The following DBF4B variants were observed in gnomAD, a reference collection of about 807,000 sequenced individuals.
DBF4B encodes protein DBF4 homolog B.
DBF4B carries 49 observed loss-of-function variants against 53.4 expected under a neutral mutation model. The observed-to-expected ratio is 0.92, with a 90% confidence interval of 0.73 to 1.16. The LOEUF is 1.16. Among genes scored for constraint, DBF4B ranks in the 50% most tolerant of loss-of-function variants. The pLI is 0.00. For synonymous variants in DBF4B, 257 were observed against 288.7 expected (o/e 0.89, Z 1.11); for missense variants, 692 against 775.0 (o/e 0.89, Z 1.27).
intron 7 of DBF4B, 99 bp from the exon 8 acceptor site, chr17:44,736,731 C>A: frequency 7.3e-7 from 1 of 1,361,542 alleles, no homozygotes; most frequent in Non-Finnish European, 1.0e-6. Context: ...CAGCAGGAAG[C>A]AAAGTGGGAC....
At chr17:44,709,894 C>T (rs1972706306) in intron 2 of DBF4B, among the ~76,000 whole-genome samples, 1 of 151,718 alleles carries the variant, frequency 6.6e-6, no homozygotes, top group Non-Finnish European at 1.5e-5. Context: ...ATCTAGTTGG[C>T]CGGGCGCGGC....
chr17:44,725,478 G>A (rs943131120), intron 3 of DBF4B, among the ~76,000 whole-genome samples: 1 of 151,840 alleles, frequency 6.6e-6, no homozygotes, highest in African/African-American at 2.4e-5. Flanking sequence ...CAGCTCAGTG[G>A]TTTTTAGTAT....
chr17:44,728,694 G>A (rs1974563680), intron 3 of DBF4B, among the ~76,000 whole-genome samples: 1 of 151,676 alleles, frequency 6.6e-6, no homozygotes, highest in African/African-American at 2.4e-5. Context: ...GCATGCGCCT[G>A]TAGTCTCAGC....
chr17:44,709,387 A>T, intron 2 of DBF4B, 21 bp downstream of exon 2: 1 of 1,614,062 alleles, frequency 6.2e-7, no homozygotes, highest in Non-Finnish European at 8.5e-7. Flanking sequence ...GGACAGAACT[A>T]GGGACGTGAG....
intron 7 of DBF4B, among the ~76,000 whole-genome samples, chr17:44,735,391 G>A (rs1461739548): frequency 6.6e-6 from 1 of 152,032 alleles, no homozygotes; most frequent in Non-Finnish European, 1.5e-5. Context: ...CAGTTTTGTA[G>A]GCCGGGCACA....
In DBF4B at chr17:44,731,146, CCTT is replaced by C. The variant is rs1166429542; in HGVS notation, c.468+137_468+139del. The C allele has an allele frequency of 3.9e-6, 4 of 1,030,834 alleles. No individual in the cohort carries two copies. In the South Asian group the frequency reaches 4.1e-5, roughly 11 times the overall value. 63.9% of individuals were successfully genotyped at this position (1,030,834 alleles called of 1,614,324 possible). A position where few individuals can be genotyped will look rare whatever the true frequency, so the allele number is the denominator to read the frequency against. ...GCGATATGTAGTATTGTCATTATTT[CCTT>C]CTTCTACATCAGGTAGTGGAGGCTC... On this transcript the variant is annotated intron_variant, in intron 5 of 13. Transcript: ENST00000315005.
At chr17:44,713,180 C>T (rs1036027790) in intron 2 of DBF4B, among the ~76,000 whole-genome samples, 21 of 150,146 alleles carry the variant, frequency 1.4e-4, no homozygotes, top group African/African-American at 2.7e-4. Flanking sequence ...GCTGGGACTA[C>T]AGGCACCCAC....
At chr17:44,736,918 A>T in intron 8 of DBF4B, 52 bp downstream of exon 8, 2 of 1,593,790 alleles carry the variant, frequency 1.3e-6, no homozygotes, top group African/African-American at 2.7e-5. Context: ...CTCCCTAAAC[A>T]CTTCCCCACG....
rs1407255153 is a variant in DBF4B at position 44,748,349 on chromosome 17, G to A, written c.1073G>A (p.Gly358Asp). 4 of 1,599,212 alleles carry A rather than the reference G, an allele frequency of 2.5e-6. No individual in the cohort carries two copies. In the Admixed American group the frequency reaches 5.1e-5, roughly 20 times the overall value. ...PFQAGLPRWS[G>D]SPASDCDPLC... ...TGTTTCTGTCCCAACAGGTGGTCAG[G>A]TTCCCCAGCTTCTGATTGTGACCCT... The change falls in exon 13 of 14, where the codon GGT (glycine) becomes GAT (aspartate). Residue 358 changes from glycine to aspartate, a missense_variant. Around this residue, in one of 3 missense-constraint regions of DBF4B, gnomAD observed 597 missense variants for 665.8 expected, o/e 0.90. Coordinates refer to ENST00000315005, the MANE Select transcript of DBF4B (RefSeq NM_145663.3).
chr17:44,748,474 G>A lies in DBF4B; in HGVS notation c.1189+9G>A, dbSNP rs2049169185. 6.2e-7 allele frequency: 1 copy of A among 1,613,852 alleles called. No individual in the cohort carries two copies. ...CAGCTGCCAGGCATCAGGTATCCCA[G>A]AGCAGGATGGGACAGTGGACAGCAC... On this transcript the variant is annotated intron_variant, in intron 13 of 13. Transcript: ENST00000315005.
intron 10 of DBF4B, among the ~76,000 whole-genome samples, chr17:44,744,097 G>A (rs141769394): frequency 0.23 from 5,130 of 22,028 alleles, 499 homozygotes; most frequent in Middle Eastern, 0.35. Flanking sequence ...CCCCCCCCCC[G>A]CCCATCTCTA....
At chr17:44,748,237 G>T (rs1187919536) in intron 12 of DBF4B, 104 bp from the exon 13 acceptor site, 2 of 1,457,788 alleles carry the variant, frequency 1.4e-6, no homozygotes. Flanking sequence ...AGCTCTCTCG[G>T]CACATGAACC....
At chr17:44,741,507 C>T (rs1425436209) in intron 10 of DBF4B, 55 bp downstream of exon 10, 15 of 1,203,392 alleles carry the variant, frequency 1.2e-5, no homozygotes, top group South Asian at 1.0e-4. Flanking sequence ...AAAGTCCTCC[C>T]CATCGGGGGC....
intron 3 of DBF4B, among the ~76,000 whole-genome samples, chr17:44,729,683 T>TAA (rs776334287): frequency 2.2e-5 from 3 of 138,178 alleles, no homozygotes; most frequent in Non-Finnish European, 4.7e-5. Context: ...GTAATACACA[T>TAA]ACACACACAC....
chr17:44,721,251 C>T (rs970005768), intron 2 of DBF4B, among the ~76,000 whole-genome samples: 2 of 142,702 alleles, frequency 1.4e-5, no homozygotes, highest in African/African-American at 2.7e-5. Context: ...CAGAATCTCC[C>T]TCTGTTACCC....
intron 13 of DBF4B, 78 bp downstream of exon 13, chr17:44,748,543 C>T: frequency 6.3e-7 from 1 of 1,597,554 alleles, no homozygotes; most frequent in Non-Finnish European, 8.5e-7. Flanking sequence ...GGTACCTGGA[C>T]CTATAGCAAG....
intron 2 of DBF4B, among the ~76,000 whole-genome samples, chr17:44,712,428 C>A (rs1300436490): frequency 6.6e-6 from 1 of 151,180 alleles, no homozygotes; most frequent in Admixed American, 6.6e-5. Context: ...CCTCAGCCTC[C>A]CAAGTAGCTG....
intron 7 of DBF4B, among the ~76,000 whole-genome samples, chr17:44,735,817 A>T (rs556068821): frequency 1.3e-5 from 2 of 152,310 alleles, no homozygotes; most frequent in East Asian, 1.9e-4. Flanking sequence ...GGAACTTCTT[A>T]AGGCCCAGAG....
chr17:44,727,427 A>G (rs1250755290), intron 3 of DBF4B, among the ~76,000 whole-genome samples: 1 of 152,088 alleles, frequency 6.6e-6, no homozygotes, highest in African/African-American at 2.4e-5. Flanking sequence ...TCAAAAAGAA[A>G]AAAAAAAGAA....
Sources: allele counts gnomAD v4.1 joint callset (sites outside exome capture counted in the v4.1 genomes callset), GRCh38; gene constraint gnomAD v4.1.1; regional missense constraint gnomAD v4.1.1; transcripts MANE v1.5; gene names NCBI Gene and HGNC (gene_info 2026-07-23, HGNC 2026-07-21).